Variants in ADGRL3 observed in about 807,000 individuals in gnomAD.
The protein encoded by ADGRL3 is calcium-independent alpha-latrotoxin receptor 3.
Under a neutral mutation model 153.5 loss-of-function variants are expected in ADGRL3, and 62 were observed. That is an observed-to-expected ratio of 0.40 (90% CI 0.33 to 0.50). ADGRL3 has a LOEUF of 0.50. ADGRL3 is among the 20% of genes least tolerant of loss of function. The pLI, the probability that ADGRL3 is intolerant of heterozygous loss-of-function variation, is 0.47. For synonymous variants in ADGRL3, 710 were observed against 672.5 expected (o/e 1.06, Z -0.86); for missense variants, 1,641 against 1,859.4 (o/e 0.88, Z 2.16).
chr4:61,413,508 ATGGAACTCTAGGC>A (rs1362149314), intron 2 of ADGRL3, among the ~76,000 whole-genome samples: 13 of 152,112 alleles, frequency 8.5e-5, no homozygotes, highest in Non-Finnish European at 1.9e-4. Flanking sequence ...CCTAGTGGAG[ATGGAACTCTAGGC>A]TTTCTTTGGT....
At chr4:61,857,007 T>TC (rs1210304101) in intron 9 of ADGRL3, among the ~76,000 whole-genome samples, 2 of 54,554 alleles carry the variant, frequency 3.7e-5, no homozygotes, top group African/African-American at 9.7e-5. Flanking sequence ...TTTCTTTCTT[T>TC]CTTTCTTTCC....
intron 9 of ADGRL3, among the ~76,000 whole-genome samples, chr4:61,866,348 C>T (rs991103276): frequency 7.9e-5 from 12 of 152,126 alleles, no homozygotes; most frequent in Non-Finnish European, 4.4e-5. Context: ...GAAGAGATGC[C>T]ATAGCCCTTC....
rs182600947 is a variant in ADGRL3, at chr4:61,949,419, C to T, written c.2805+1143C>T. Among the ~76,000 whole-genome samples the T allele has an allele frequency of 5.6e-3, 845 of 152,000 alleles. 5 individuals are homozygous for T. The highest frequency in any genetic ancestry group is 7.9e-3 in the Non-Finnish European group (534 of 67,988). On this transcript the variant is annotated intron_variant, in intron 17 of 26. Transcript: ENST00000683033. ...TTGCATTTAAAATCTTAAAATAGGCCGGGCATGGTGGCTCATGCCTGTAAT... is the reference window on the plus strand; with the variant it reads ...TTGCATTTAAAATCTTAAAATAGGCTGGGCATGGTGGCTCATGCCTGTAAT...
chr4:61,695,389 G>A (rs2095622423), intron 6 of ADGRL3, among the ~76,000 whole-genome samples: 2 of 152,136 alleles, frequency 1.3e-5, no homozygotes, highest in African/African-American at 4.8e-5. Context: ...AGGTGACTAG[G>A]TGTATTGTCA....
At chr4:61,411,422 G>T (rs1445064500) in intron 2 of ADGRL3, among the ~76,000 whole-genome samples, 1 of 152,122 alleles carries the variant, frequency 6.6e-6, no homozygotes, top group Non-Finnish European at 1.5e-5. Flanking sequence ...ATATCAGGAG[G>T]CAAGTGATGT....
At chr4:61,476,601 T>A (rs951113716) in intron 2 of ADGRL3, among the ~76,000 whole-genome samples, 1 of 149,178 alleles carries the variant, frequency 6.7e-6, no homozygotes, top group Admixed American at 6.7e-5. Flanking sequence ...CCCAGCTACT[T>A]GGGAGGATGA....
chr4:61,414,565 C>T (rs939397764), intron 2 of ADGRL3, among the ~76,000 whole-genome samples: 9 of 151,906 alleles, frequency 5.9e-5, no homozygotes, highest in African/African-American at 2.2e-4. Context: ...TGGATAATTA[C>T]GCTTGGTATT....
intron 1 of ADGRL3, among the ~76,000 whole-genome samples, chr4:61,282,581 T>G (rs918994315): frequency 6.6e-6 from 1 of 151,940 alleles, no homozygotes; most frequent in Admixed American, 6.6e-5. Context: ...ACATTTTGAG[T>G]TTTTTTAGTC....
intron 25 of ADGRL3, among the ~76,000 whole-genome samples, chr4:62,049,677 C>T (rs1320479631): frequency 2.0e-5 from 3 of 151,962 alleles, no homozygotes; most frequent in Non-Finnish European, 4.4e-5. Flanking sequence ...GAAAAGTGAC[C>T]CCACCTGTTA....
rs1186741827 is a variant in ADGRL3, at chr4:62,075,476, T to C, written c.*4568T>C. The C allele has an allele frequency of 1.3e-5, 2 of 152,194 alleles. No individual in the cohort carries two copies. The highest frequency in any genetic ancestry group is 2.9e-5 in the Non-Finnish European group (2 of 68,034). The allele number at this position is 152,194 out of a possible 1,614,324, so 9.4% of individuals were successfully genotyped here. A position where few individuals can be genotyped will look rare whatever the true frequency, so the allele number is the denominator to read the frequency against. On this transcript the variant is annotated 3_prime_UTR_variant, in exon 27 of 27. Coordinates refer to ENST00000683033, the MANE Select transcript of ADGRL3 (RefSeq NM_001387552.1). The stretch of plus-strand genomic sequence containing the variant: ...ATTTAGTTTTGAGCAAATCTGAAGA[T>C]ATTGGCATGAATATCCTTTCTTCTC...
chr4:61,846,569 A>C (rs1417855259), intron 9 of ADGRL3, among the ~76,000 whole-genome samples: 3 of 151,672 alleles, frequency 2.0e-5, no homozygotes, highest in Non-Finnish European at 4.4e-5. Flanking sequence ...CCACATAAAT[A>C]TTTTTCTATA....
At chr4:61,817,549 C>G (rs1005452976) in intron 9 of ADGRL3, among the ~76,000 whole-genome samples, 1 of 152,218 alleles carries the variant, frequency 6.6e-6, no homozygotes, top group African/African-American at 2.4e-5. Context: ...TGGAGAGAAG[C>G]TACCCACTTC....
intron 4 of ADGRL3, among the ~76,000 whole-genome samples, chr4:61,562,509 ATGTTCTAAATCCTTCGT>A (rs1324657481): frequency 1.3e-5 from 2 of 152,164 alleles, no homozygotes; most frequent in Non-Finnish European, 2.9e-5. Flanking sequence ...AGTTTATGCA[ATGTTCTAAATCCTTCGT>A]TGTCATTTCC....
intron 24 of ADGRL3, among the ~76,000 whole-genome samples, chr4:62,044,032 C>A (rs186907708): frequency 8.0e-4 from 121 of 152,048 alleles, no homozygotes; most frequent in African/African-American, 2.9e-3. Flanking sequence ...TAAACTAAAT[C>A]TTTTGTTAGA....
chr4:62,037,938 C>A (rs1276813189), intron 24 of ADGRL3, 82 bp downstream of exon 24: 2 of 1,513,412 alleles, frequency 1.3e-6, no homozygotes, highest in Non-Finnish European at 1.8e-6. Flanking sequence ...TAATTTCTAG[C>A]CTGTGTTTAA....
chr4:61,330,176 T>C (rs1010430492), intron 1 of ADGRL3, among the ~76,000 whole-genome samples: 2 of 152,156 alleles, frequency 1.3e-5, no homozygotes, highest in African/African-American at 4.8e-5. Context: ...ATATGATTGA[T>C]GGTTAATTTG....
At position 61,256,139 on chromosome 4, in the gene ADGRL3, G is replaced by A. The variant is rs1013969628; in HGVS notation, c.-240+54374G>A. Reference sequence around the variant, plus strand: ...TCATTTCTCAAAACACATTTTTTAAGCATTAACTTTACTTTTCCTTCTGAT... The same window carrying A: ...TCATTTCTCAAAACACATTTTTTAAACATTAACTTTACTTTTCCTTCTGAT... On this transcript the variant is annotated intron_variant, in intron 1 of 26. Transcript: ENST00000683033. 3.9e-5 allele frequency among the ~76,000 whole-genome samples: 6 copies of A among 152,258 alleles called. No homozygotes were observed. The Middle Eastern group carries it at 0.01, about 259-fold the overall frequency.
chr4:61,333,121 TA>T (rs1329145859), intron 1 of ADGRL3, among the ~76,000 whole-genome samples: 2 of 152,076 alleles, frequency 1.3e-5, no homozygotes, highest in Non-Finnish European at 2.9e-5. Flanking sequence ...TATAAGCACA[TA>T]AAAATACTTA....
intron 1 of ADGRL3, among the ~76,000 whole-genome samples, chr4:61,257,874 C>T (rs556036839): frequency 2.6e-4 from 39 of 149,018 alleles, no homozygotes; most frequent in African/African-American, 4.4e-4. Flanking sequence ...TGTGCGTGTG[C>T]GCACGCGCAC....
Sources: allele counts gnomAD v4.1 joint callset (sites outside exome capture counted in the v4.1 genomes callset), GRCh38; gene constraint gnomAD v4.1.1; transcripts MANE v1.5; gene names NCBI Gene and HGNC (gene_info 2026-07-23, HGNC 2026-07-21).